The following OTUD7A variants were observed in gnomAD, a reference collection of about 807,000 sequenced individuals.
OTUD7A encodes OTU deubiquitinase 7A.
A neutral mutation model predicts 65.7 loss-of-function variants in OTUD7A; 12 were observed. The observed-to-expected ratio is 0.18, with a 90% CI of 0.12 to 0.30. The LOEUF (loss-of-function observed/expected upper bound fraction) is 0.30. Among genes scored for constraint, OTUD7A ranks in the 10% least tolerant of loss-of-function variants. The probability of loss-of-function intolerance (pLI) is 1.00; values close to 1 mark genes in which losing one functional copy is unlikely to be tolerated. For synonymous variants in OTUD7A, 641 were observed against 586.3 expected, an observed-to-expected ratio of 1.09 and a Z score of -1.35; for missense variants, 1,148 against 1,304.8, an observed-to-expected ratio of 0.88 and a Z score of 1.85.
At chr15:31,509,961 G>A (rs1485417216) in intron 8 of OTUD7A, among the ~76,000 whole-genome samples, 1 of 113,050 alleles carries the variant, frequency 8.8e-6, no homozygotes. Flanking sequence ...TTTTTAATTT[G>A]CATTTATTTT....
At chr15:31,493,271 G>A (rs574071013) in intron 10 of OTUD7A, among the ~76,000 whole-genome samples, 11 of 152,210 alleles carry the variant, frequency 7.2e-5, no homozygotes, top group Middle Eastern at 3.4e-3. Context: ...TCCACAACAT[G>A]GACTGTTACC....
chr15:31,503,058 C>T (rs1289956176), intron 9 of OTUD7A, among the ~76,000 whole-genome samples: 1 of 152,186 alleles, frequency 6.6e-6, no homozygotes, highest in Admixed American at 6.5e-5. Context: ...TGGCTGATCC[C>T]CGCTGGGGAC....
rs141043178 is a variant in OTUD7A, at chr15:31,755,538, G to A, written c.-99-98461C>T. Among the ~76,000 whole-genome samples the A allele has an allele frequency of 9.8e-4, 149 of 152,200 alleles. 3 individuals are homozygous for A. In the East Asian group the frequency reaches 0.025, roughly 26 times the overall value. On this transcript the variant is annotated intron_variant, in intron 1 of 12. Transcript: ENST00000307050. ...AGATCGAGACCATTCTGGCTAACAC[G>A]GTGAAACCCCGTCTCTACTAAAAAT...
intron 1 of OTUD7A, among the ~76,000 whole-genome samples, chr15:31,726,910 A>C (rs571083162): frequency 3.3e-5 from 5 of 152,378 alleles, no homozygotes; most frequent in African/African-American, 7.2e-5. Flanking sequence ...ACAGAAAAAC[A>C]CATGCGGCCT....
At chr15:31,736,822 T>C (rs1467697841) in intron 1 of OTUD7A, among the ~76,000 whole-genome samples, 1 of 151,570 alleles carries the variant, frequency 6.6e-6, no homozygotes, top group African/African-American at 2.4e-5. Flanking sequence ...TAAGACCTTC[T>C]TTTTTTTGGG....
rs138820592 is a variant in OTUD7A at position 31,523,311 on chromosome 15, A to G, written c.893+3038T>C. On this transcript the variant is annotated intron_variant, in intron 8 of 12. Coordinates refer to ENST00000307050, the MANE Select transcript of OTUD7A (RefSeq NM_001382637.1). Reference sequence around the variant, plus strand: ...GGGAGGAGGGGCAGGAGGGTGGCAAAGTCTTTCTTGCTGTCTTCCTTCAGG... The same window carrying G: ...GGGAGGAGGGGCAGGAGGGTGGCAAGGTCTTTCTTGCTGTCTTCCTTCAGG... Among the ~76,000 whole-genome samples the G allele has an allele frequency of 2.4e-3, 360 of 152,254 alleles. 2 individuals are homozygous for G. Among genetic ancestry groups the G allele is most frequent in the Middle Eastern group, 0.017 (5 of 294 alleles).
chr15:31,758,326 C>T (rs16955867), intron 1 of OTUD7A, among the ~76,000 whole-genome samples: 11,325 of 152,222 alleles, frequency 0.074, 1,016 homozygotes, highest in African/African-American at 0.22. Context: ...GTGGTCATCG[C>T]CCTCTGGGCA....
At chr15:31,617,794 TA>T (rs2141231314) in intron 3 of OTUD7A, among the ~76,000 whole-genome samples, 2 of 152,188 alleles carry the variant, frequency 1.3e-5, no homozygotes, top group East Asian at 3.8e-4. Context: ...ATTTTTTTAT[TA>T]TACTTTAAGT....
At chr15:31,506,547 A>G (rs2041571752) in intron 8 of OTUD7A, among the ~76,000 whole-genome samples, 1 of 152,086 alleles carries the variant, frequency 6.6e-6, no homozygotes, top group Non-Finnish European at 1.5e-5. Context: ...TTTTAGATTG[A>G]TGAAATGCTA....
chr15:31,544,903 A>G (rs545414942), intron 5 of OTUD7A, among the ~76,000 whole-genome samples: 25 of 152,008 alleles, frequency 1.6e-4, no homozygotes, highest in Non-Finnish European at 3.1e-4. Context: ...GCTGGGTCAT[A>G]AAGCAAGTCT....
At chr15:31,587,750 G>A (rs1005090649) in intron 3 of OTUD7A, among the ~76,000 whole-genome samples, 1 of 152,006 alleles carries the variant, frequency 6.6e-6, no homozygotes, top group Non-Finnish European at 1.5e-5. Flanking sequence ...TGGCCTCCAG[G>A]CCCTTGGCAA....
At chr15:31,623,119 C>G (rs1303478826) in intron 3 of OTUD7A, among the ~76,000 whole-genome samples, 3 of 152,216 alleles carry the variant, frequency 2.0e-5, no homozygotes, top group African/African-American at 4.8e-5. Context: ...GATCTTTCCT[C>G]TGGAAGTTTC....
At chr15:31,773,603 G>A (rs1238282550) in intron 1 of OTUD7A, among the ~76,000 whole-genome samples, 1 of 152,116 alleles carries the variant, frequency 6.6e-6, no homozygotes, top group African/African-American at 2.4e-5. Flanking sequence ...TGGGGGAGGG[G>A]ATACAAACAT....
intron 5 of OTUD7A, among the ~76,000 whole-genome samples, chr15:31,549,971 G>A (rs1361331715): frequency 6.6e-6 from 1 of 151,904 alleles, no homozygotes; most frequent in Non-Finnish European, 1.5e-5. Flanking sequence ...TTGGTGGTGG[G>A]CACCTGTAGT....
At chr15:31,564,744 T>G (rs1888811204) in intron 4 of OTUD7A, among the ~76,000 whole-genome samples, 1 of 151,996 alleles carries the variant, frequency 6.6e-6, no homozygotes, top group African/African-American at 2.4e-5. Context: ...CAGAGATTCT[T>G]GGATTGGATA....
At chr15:31,817,301 C>A (rs1012133682) in intron 1 of OTUD7A, among the ~76,000 whole-genome samples, 1 of 137,346 alleles carries the variant, frequency 7.3e-6, no homozygotes, top group Admixed American at 7.7e-5. Context: ...CATGGCTTAT[C>A]AGTGAGATCT....
chr15:31,569,261 C>T (rs932982722), intron 4 of OTUD7A, among the ~76,000 whole-genome samples: 4 of 152,210 alleles, frequency 2.6e-5, no homozygotes, highest in Non-Finnish European at 5.9e-5. Context: ...GCATTGCTTT[C>T]AGTGGCAATT....
chr15:31,682,934 C>T (rs145169645), intron 1 of OTUD7A, among the ~76,000 whole-genome samples: 104 of 152,242 alleles, frequency 6.8e-4, no homozygotes, highest in Middle Eastern at 3.4e-3. Context: ...TGTGACTGTG[C>T]GTGTTAAAAA....
In OTUD7A at chr15:31,482,089, A is replaced by T. The variant is rs570348132; in HGVS notation, c.*1205T>A. 1.2e-4 allele frequency: 19 copies of T among 152,400 alleles called. No homozygotes were observed. The South Asian group carries it at 3.9e-3, about 32-fold the overall frequency. 9.4% of individuals were successfully genotyped at this position (152,400 alleles called of 1,614,324 possible). A position where few individuals can be genotyped will look rare whatever the true frequency, so the allele number is the denominator to read the frequency against. On this transcript the variant is annotated 3_prime_UTR_variant, in exon 13 of 13. Coordinates refer to ENST00000307050, the MANE Select transcript of OTUD7A (RefSeq NM_001382637.1). Reference sequence around the variant, plus strand: ...AGGAAGAGGCTGCATATTGCTGCTCAAAACAGGGTAGCTAAGGACACATTT... The same window carrying T: ...AGGAAGAGGCTGCATATTGCTGCTCTAAACAGGGTAGCTAAGGACACATTT...
Sources: allele counts gnomAD v4.1 joint callset (sites outside exome capture counted in the v4.1 genomes callset), GRCh38; gene constraint gnomAD v4.1.1; transcripts MANE v1.5; gene names NCBI Gene and HGNC (gene_info 2026-07-23, HGNC 2026-07-21).